The following ASAP1 variants were observed in gnomAD, a reference collection of about 807,000 sequenced individuals.
The protein encoded by ASAP1 is arf-GAP with SH3 domain, ANK repeat and PH domain-containing protein 1.
In ASAP1, 43 loss-of-function variants were observed where a neutral mutation model predicts 145.2. The observed-to-expected ratio is 0.30, with a 90% CI of 0.23 to 0.38. The LOEUF (loss-of-function observed/expected upper bound fraction) is 0.38, where lower values mean the gene tolerates loss of function less well. ASAP1 is among the 10% of genes least tolerant of loss of function. The pLI, the probability that ASAP1 is intolerant of heterozygous loss-of-function variation, is 1.00. For synonymous variants in ASAP1, 546 were observed against 515.5 expected, an observed-to-expected ratio of 1.06 and a Z score of -0.80; for missense variants, 1,018 against 1,355.3, an observed-to-expected ratio of 0.75 and a Z score of 3.91.
At chr8:130,365,272 A>G (rs1262967582) in intron 2 of ASAP1, among the ~76,000 whole-genome samples, 1 of 152,254 alleles carries the variant, frequency 6.6e-6, no homozygotes, top group Non-Finnish European at 1.5e-5. Context: ...AATGCTATTC[A>G]GTCAGTCTGA....
At chr8:130,223,275 T>A (rs919575781) in intron 4 of ASAP1, among the ~76,000 whole-genome samples, 2 of 152,164 alleles carry the variant, frequency 1.3e-5, no homozygotes, top group Non-Finnish European at 2.9e-5. Context: ...CAGGCCTCAG[T>A]GACACAGAGA....
chr8:130,339,386 G>A (rs1257645901), intron 3 of ASAP1, among the ~76,000 whole-genome samples: 2 of 152,212 alleles, frequency 1.3e-5, no homozygotes, highest in East Asian at 1.9e-4. Flanking sequence ...AGGACTTTAT[G>A]GAGAGAAAAT....
chr8:130,122,929 G>A (rs368438458), intron 18 of ASAP1, among the ~76,000 whole-genome samples: 2 of 152,382 alleles, frequency 1.3e-5, no homozygotes, highest in South Asian at 4.1e-4. Context: ...AAATGCTGGT[G>A]TGGACAAGAG....
chr8:130,131,461 C>G (rs1305015326), intron 15 of ASAP1, among the ~76,000 whole-genome samples: 1 of 151,908 alleles, frequency 6.6e-6, no homozygotes, highest in East Asian at 1.9e-4. Flanking sequence ...CCTCTCACCA[C>G]CAGCACCCAG....
chr8:130,379,590 G>T (rs1827670361), intron 2 of ASAP1, among the ~76,000 whole-genome samples: 1 of 152,220 alleles, frequency 6.6e-6, no homozygotes, highest in Non-Finnish European at 1.5e-5. Flanking sequence ...ATTAAATTCA[G>T]TTGTTGAACA....
At chr8:130,149,869 A>C (rs533990463) in intron 13 of ASAP1, among the ~76,000 whole-genome samples, 1 of 152,348 alleles carries the variant, frequency 6.6e-6, no homozygotes, top group East Asian at 1.9e-4. Context: ...GGTCTGGGCC[A>C]AAGCCAGTGA....
chr8:130,250,025 A>C (rs1819095256), intron 3 of ASAP1, among the ~76,000 whole-genome samples: 1 of 152,180 alleles, frequency 6.6e-6, no homozygotes, highest in African/African-American at 2.4e-5. Context: ...TTTTAATTTA[A>C]AAAAAAGTAA....
rs925649332 is a variant in ASAP1 at position 130,157,218 on chromosome 8, A to G, written c.1010+2646T>C. The stretch of plus-strand genomic sequence containing the variant: ...CAGTTTGGACTAGCATTTGGTCACC[A>G]TTCTAGAGCCCAGTTTAAATCTGTG... On this transcript the variant is annotated intron_variant, in intron 12 of 29. Coordinates refer to ENST00000518721, the MANE Select transcript of ASAP1 (RefSeq NM_018482.4). Among the ~76,000 whole-genome samples, 3 of 152,208 alleles carry G rather than the reference A, an allele frequency of 2.0e-5. No individual in the cohort carries two copies. The East Asian group carries it at 5.8e-4, about 29-fold the overall frequency.
At chr8:130,353,740 T>C (rs1282334069) in intron 3 of ASAP1, among the ~76,000 whole-genome samples, 1 of 152,122 alleles carries the variant, frequency 6.6e-6, no homozygotes, top group Non-Finnish European at 1.5e-5. Context: ...CATGGCGGTG[T>C]GCACCTGTAG....
intron 3 of ASAP1, among the ~76,000 whole-genome samples, chr8:130,247,769 G>C (rs780882616): frequency 6.6e-6 from 1 of 152,138 alleles, no homozygotes; most frequent in Non-Finnish European, 1.5e-5. Flanking sequence ...TCAGCATAGT[G>C]AGTGTCAGTT....
intron 3 of ASAP1, among the ~76,000 whole-genome samples, chr8:130,346,775 T>C (rs747601872): frequency 1.3e-5 from 2 of 152,218 alleles, no homozygotes; most frequent in Non-Finnish European, 2.9e-5. Flanking sequence ...AAAATATTAC[T>C]ATTATTAAAG....
intron 1 of ASAP1, among the ~76,000 whole-genome samples, chr8:130,433,287 C>T (rs1830200565): frequency 6.6e-6 from 1 of 152,156 alleles, no homozygotes; most frequent in Non-Finnish European, 1.5e-5. Flanking sequence ...TTAGACCTCC[C>T]CAAAAATAGC....
At chr8:130,124,996 A>G (rs2097572703) in intron 17 of ASAP1, among the ~76,000 whole-genome samples, 1 of 152,178 alleles carries the variant, frequency 6.6e-6, no homozygotes, top group African/African-American at 2.4e-5. Flanking sequence ...TGTGCATAGA[A>G]CACAAGACAG....
chr8:130,385,508 G>A (rs1392502315), intron 2 of ASAP1, among the ~76,000 whole-genome samples: 3 of 152,222 alleles, frequency 2.0e-5, no homozygotes, highest in Admixed American at 6.5e-5. Flanking sequence ...CTCAGCGCCC[G>A]AGGTGGGGGC....
intron 24 of ASAP1, among the ~76,000 whole-genome samples, chr8:130,111,081 G>T (rs114447297): frequency 6.6e-6 from 1 of 151,882 alleles, no homozygotes; most frequent in Non-Finnish European, 1.5e-5. Flanking sequence ...TCCTATGAGC[G>T]GGATTCCTCG....
chr8:130,108,197 A>C (rs2135553290), intron 24 of ASAP1, among the ~76,000 whole-genome samples: 1 of 152,348 alleles, frequency 6.6e-6, no homozygotes, highest in South Asian at 2.1e-4. Flanking sequence ...GAGCCTCTCT[A>C]AGGTAGGAAG....
intron 3 of ASAP1, among the ~76,000 whole-genome samples, chr8:130,275,782 T>A (rs1489651833): frequency 6.6e-6 from 1 of 152,154 alleles, no homozygotes; most frequent in Non-Finnish European, 1.5e-5. Context: ...GGAGGCCATA[T>A]CAGAGAAAAG....
chr8:130,258,536 G>A (rs373912003), intron 3 of ASAP1, among the ~76,000 whole-genome samples: 1 of 152,322 alleles, frequency 6.6e-6, no homozygotes, highest in East Asian at 1.9e-4. Flanking sequence ...AAACAACAGA[G>A]ACGAGAGCCC....
chr8:130,406,475 C>CT (rs200416384), intron 1 of ASAP1, among the ~76,000 whole-genome samples: 1,900 of 138,190 alleles, frequency 0.014, 32 homozygotes, highest in African/African-American at 0.039. Flanking sequence ...TACTTTAGTT[C>CT]TTTTTTTTTT....
Sources: gnomAD v4.1 joint callset for allele counts (sites outside exome capture counted in the v4.1 genomes callset) on GRCh38, gnomAD v4.1.1 for gene constraint, MANE v1.5 for transcripts, NCBI Gene and HGNC (gene_info 2026-07-23, HGNC 2026-07-21) for gene names.